GCNA: variants seen among roughly 807,000 people sequenced by gnomAD.
The protein encoded by GCNA is germ cell nuclear acidic peptidase.
GCNA carries 3 observed loss-of-function variants against 38.8 expected under a neutral mutation model. The observed-to-expected ratio is 0.08, with a 90% CI of 0.04 to 0.20. The LOEUF (loss-of-function observed/expected upper bound fraction) is 0.20, where lower values mean the gene tolerates loss of function less well. Among genes scored for constraint, GCNA ranks in the 10% least tolerant of loss-of-function variants. The probability of loss-of-function intolerance (pLI) is 1.00; values close to 1 mark genes in which losing one functional copy is unlikely to be tolerated. For synonymous variants in GCNA, 195 were observed against 240.2 expected, an observed-to-expected ratio of 0.81 and a Z score of 1.74; for missense variants, 446 against 578.6, an observed-to-expected ratio of 0.77 and a Z score of 2.35.
intron 10 of GCNA, among the ~76,000 whole-genome samples, chrX:71,609,656 A>G (rs1385756858): frequency 3.6e-5 from 4 of 111,942 alleles, no homozygotes; most frequent in Non-Finnish European, 7.5e-5. Flanking sequence ...GTAAGCTCTT[A>G]TTTTTTGATA....
intron 11 of GCNA, 118 bp downstream of exon 11, chrX:71,610,937 C>A: frequency 9.9e-7 from 1 of 1,008,884 alleles, no homozygotes; most frequent in Non-Finnish European, 1.3e-6. Context: ...CTTGGGTGGG[C>A]AGGCATGCTG....
intron 4 of GCNA, 42 bp from the exon 5 acceptor site, chrX:71,594,289 C>T (rs370598346): frequency 2.8e-5 from 29 of 1,024,645 alleles, no homozygotes; most frequent in East Asian, 2.4e-4. Flanking sequence ...CTTATGGCGT[C>T]GATAGCCCTC....
At chrX:71,583,175 G>A (rs1473763215) in intron 2 of GCNA, among the ~76,000 whole-genome samples, 1 of 112,583 alleles carries the variant, frequency 8.9e-6, no homozygotes, top group Non-Finnish European at 1.9e-5. Context: ...TTGTTCTGAT[G>A]TGTGCTTACG....
chrX:71,604,758 T>C, intron 8 of GCNA, 82 bp downstream of exon 8: 1 of 1,139,045 alleles, frequency 8.8e-7, no homozygotes, highest in Non-Finnish European at 1.2e-6. Flanking sequence ...AGTCTGCCTG[T>C]CCTCCCTTTC....
intron 7 of GCNA, among the ~76,000 whole-genome samples, chrX:71,603,042 C>T (rs549072150): frequency 8.9e-6 from 1 of 112,222 alleles, no homozygotes; most frequent in East Asian, 2.8e-4. Context: ...ACTTCCTTTT[C>T]GCCAGTGTAT....
At chrX:71,606,984 A>T (rs2040773228) in intron 9 of GCNA, among the ~76,000 whole-genome samples, 1 of 111,808 alleles carries the variant, frequency 8.9e-6, no homozygotes, top group Non-Finnish European at 1.9e-5. Context: ...GCTTCCTGTT[A>T]TGCTTAGCAT....
At chrX:71,605,900 T>C in intron 9 of GCNA, among the ~76,000 whole-genome samples, 171 bp downstream of exon 9, 1 of 111,393 alleles carries the variant, frequency 9.0e-6, no homozygotes, top group East Asian at 2.8e-4. Context: ...CAAGGGAGAA[T>C]ACTACCCACT....
At chrX:71,590,665 C>T (rs1013531897) in intron 2 of GCNA, among the ~76,000 whole-genome samples, 7 of 110,419 alleles carry the variant, frequency 6.3e-5, no homozygotes, top group East Asian at 2.8e-4. Flanking sequence ...AATGAAAAGC[C>T]GTAAAGAAGT....
intron 7 of GCNA, among the ~76,000 whole-genome samples, chrX:71,602,682 C>T (rs2040724929): frequency 1.8e-5 from 2 of 111,010 alleles, no homozygotes; most frequent in Admixed American, 1.9e-4. Flanking sequence ...GTTATTAATC[C>T]CTTGTCAGAT....
chrX:71,608,252 A>G (rs1330602437), intron 9 of GCNA, among the ~76,000 whole-genome samples: 1 of 111,913 alleles, frequency 8.9e-6, no homozygotes, highest in African/African-American at 3.3e-5. Flanking sequence ...TCTGTGCCCA[A>G]TAAAGAGAGA....
chrX:71,598,752 C>T (rs2040690927), intron 7 of GCNA, among the ~76,000 whole-genome samples: 1 of 111,064 alleles, frequency 9.0e-6, no homozygotes, highest in South Asian at 3.9e-4. Flanking sequence ...GAGCTTTGTT[C>T]TGTCAGTACA....
chrX:71,579,461 A>G (rs2040529085), intron 1 of GCNA, among the ~76,000 whole-genome samples: 1 of 90,096 alleles, frequency 1.1e-5, no homozygotes. Flanking sequence ...GTGGTGGTGG[A>G]AGTGGCCTAG....
chrX:71,611,688 A>G (rs994272806), intron 11 of GCNA, among the ~76,000 whole-genome samples: 1 of 111,343 alleles, frequency 9.0e-6, no homozygotes, highest in Non-Finnish European at 1.9e-5. Context: ...TCCCACGGCC[A>G]TAGCGATTGC....
chrX:71,605,860 G>T (rs1184454182), intron 9 of GCNA, 131 bp downstream of exon 9: 5 of 490,271 alleles, frequency 1.0e-5, no homozygotes, highest in Non-Finnish European at 1.6e-5. Context: ...TGGGGGACAA[G>T]GTTTCTGTCC....
chrX:71,589,752 A>T (rs1324811946), intron 2 of GCNA, among the ~76,000 whole-genome samples: 2 of 109,634 alleles, frequency 1.8e-5, no homozygotes, highest in Non-Finnish European at 3.8e-5. Flanking sequence ...GGCATGAGCC[A>T]CTGCACCCAG....
At chrX:71,611,023 C>A (rs2040806576) in intron 11 of GCNA, among the ~76,000 whole-genome samples, 1 of 112,467 alleles carries the variant, frequency 8.9e-6, no homozygotes, top group East Asian at 2.8e-4. Context: ...TTATACCAGG[C>A]CTGCCTTTCT....
At chrX:71,604,789 A>C in intron 8 of GCNA, 113 bp downstream of exon 8, 1 of 1,043,275 alleles carries the variant, frequency 9.6e-7, no homozygotes, top group Non-Finnish European at 1.3e-6. Flanking sequence ...CATTTCAGCA[A>C]CTTCCCTGTG....
At chrX:71,591,811 T>C (rs917462163) in intron 2 of GCNA, among the ~76,000 whole-genome samples, 2 of 111,961 alleles carry the variant, frequency 1.8e-5, no homozygotes, top group African/African-American at 6.5e-5. Context: ...GGTGTTGCTT[T>C]CATACCTTTA....
At position 71,592,163 on chromosome X, in the gene GCNA, G is replaced by A; in HGVS notation, c.101G>A (p.Gly34Glu). The change falls in exon 3 of 13, where the codon GGG (glycine) becomes GAG (glutamate). Residue 34 changes from glycine to glutamate, a missense_variant. Gly to Glu is a moderately conservative substitution (Grantham distance 98). Transcript: ENST00000373696. The part of the protein sequence containing the change: ...NVQSSSDDTS[G>E]SSVARRAPKR... ...CAGTCAAGCAGTGATGACACCAGTG[G>A]GTCTTGTAAGTAGAGTCCACTCAAA... 1 of 1,200,297 alleles carries A rather than the reference G, an allele frequency of 8.3e-7. No individual in the cohort carries two copies. The highest frequency in any genetic ancestry group is 1.1e-6 in the Non-Finnish European group (1 of 886,034).
Sources: allele counts gnomAD v4.1 joint callset (sites outside exome capture counted in the v4.1 genomes callset), GRCh38; gene constraint gnomAD v4.1.1; transcripts MANE v1.5; gene names NCBI Gene and HGNC (gene_info 2026-07-23, HGNC 2026-07-21).